The following ZC3H7A variants were observed in gnomAD, a reference collection of about 807,000 sequenced individuals.
The protein encoded by ZC3H7A is zinc finger CCCH domain-containing protein 7A.
A neutral mutation model predicts 125.5 loss-of-function variants in ZC3H7A; 44 were observed. The observed-to-expected ratio is 0.35, with a 90% CI of 0.28 to 0.45. The LOEUF is 0.45. Among genes scored for constraint, ZC3H7A ranks in the 20% least tolerant of loss-of-function variants. The probability of loss-of-function intolerance (pLI) is 1.00; values close to 1 mark genes in which losing one functional copy is unlikely to be tolerated. For missense variants in ZC3H7A, 977 were observed against 1,170.7 expected (o/e 0.83, Z 2.41); for synonymous variants, 399 against 391.2 (o/e 1.02, Z -0.23).
Position 11,770,939 on chromosome 16 carries a change from T to G in ZC3H7A, c.952A>C (p.Ser318Arg). 6.2e-7 allele frequency: 1 copy of G among 1,613,788 alleles called. No individual in the cohort carries two copies. Among genetic ancestry groups the G allele is most frequent in the Non-Finnish European group, 8.5e-7 (1 of 1,179,812 alleles). ...AACAGCGATGCCGAAAAGGGCATGC[T>G]AGGAGAGACACTGGCTGTCTGAAGG... is the stretch of plus-strand genomic sequence containing the variant. ...GPLQTASVSPSMPFSASLLGT... is the reference protein window; with the variant it reads ...GPLQTASVSPRMPFSASLLGT... The change falls in exon 10 of 23, where the codon AGC becomes CGC. Residue 318 changes from serine (S) to arginine (R), a missense_variant. By Grantham distance (110) the Ser-to-Arg change is moderately radical. Coordinates refer to ENST00000355758, the MANE Select transcript of ZC3H7A (RefSeq NM_014153.4).
At chr16:11,756,169 AG>A in intron 21 of ZC3H7A, 67 bp downstream of exon 21, 1 of 1,553,690 alleles carries the variant, frequency 6.4e-7, no homozygotes, top group Middle Eastern at 1.7e-4. Context: ...CTCAAAAAAA[AG>A]AAAAGGGAAA....
chr16:11,770,716 GC>G, intron 10 of ZC3H7A, 66 bp downstream of exon 10: 2 of 1,423,442 alleles, frequency 1.4e-6, no homozygotes, highest in East Asian at 2.3e-5. Context: ...TTAAATAATT[GC>G]CAAACAAACA....
intron 1 of ZC3H7A, among the ~76,000 whole-genome samples, chr16:11,792,528 G>C (rs1046062115): frequency 3.9e-5 from 6 of 152,164 alleles, no homozygotes; most frequent in African/African-American, 1.4e-4. Context: ...ATTAACAGAA[G>C]ACATCAAGGT....
Position 11,758,555 on chromosome 16 carries a change from G to C in ZC3H7A, c.2320-16C>G. 6.3e-7 allele frequency: 1 copy of C among 1,588,658 alleles called. No individual in the cohort carries two copies. Among genetic ancestry groups the C allele is most frequent in the Non-Finnish European group, 8.6e-7 (1 of 1,159,056 alleles). On this transcript the variant is annotated splice_polypyrimidine_tract_variant and intron_variant, in intron 19 of 22. Transcript: ENST00000355758. Reference sequence around the variant, plus strand: ...GGTTGCACAGCTGTATAAAAAAATAGGAATATGATTAAGACAAAGTACACC... The same window carrying C: ...GGTTGCACAGCTGTATAAAAAAATACGAATATGATTAAGACAAAGTACACC...
chr16:11,764,111 A>T (rs370374369), intron 15 of ZC3H7A, among the ~76,000 whole-genome samples: 6 of 151,884 alleles, frequency 4.0e-5, no homozygotes, highest in African/African-American at 1.4e-4. Context: ...TTAAATTTTT[A>T]TCGGAAAAAA....
chr16:11,777,350 A>G (rs1309240440), intron 4 of ZC3H7A, among the ~76,000 whole-genome samples: 1 of 152,244 alleles, frequency 6.6e-6, no homozygotes, highest in Admixed American at 6.5e-5. Context: ...ATGCTCTTTA[A>G]CAAAGAGCTA....
At chr16:11,754,632 C>T (rs1030984269) in intron 21 of ZC3H7A, among the ~76,000 whole-genome samples, 33 of 152,272 alleles carry the variant, frequency 2.2e-4, no homozygotes, top group African/African-American at 5.8e-4. Context: ...TGGCTCACGC[C>T]TGTAATCCCA....
At chr16:11,761,589 G>T in intron 18 of ZC3H7A, 78 bp from the exon 19 acceptor site, 1 of 1,451,306 alleles carries the variant, frequency 6.9e-7, no homozygotes, top group Non-Finnish European at 9.5e-7. Context: ...CACAAAGTTT[G>T]TACCTGAGGA....
chr16:11,764,027 C>T (rs1463969690), intron 15 of ZC3H7A, among the ~76,000 whole-genome samples: 3 of 151,658 alleles, frequency 2.0e-5, no homozygotes, highest in Non-Finnish European at 4.4e-5. Context: ...ATCTCCTGAC[C>T]TCGTGATCCG....
chr16:11,758,630 C>A, intron 19 of ZC3H7A, 91 bp from the exon 20 acceptor site: 1 of 790,508 alleles, frequency 1.3e-6, no homozygotes, highest in East Asian at 2.6e-5. Flanking sequence ...CATTATTATC[C>A]ATGCTAATAC....
At chr16:11,755,590 C>T (rs969169375) in intron 21 of ZC3H7A, among the ~76,000 whole-genome samples, 3 of 152,140 alleles carry the variant, frequency 2.0e-5, no homozygotes, top group African/African-American at 7.2e-5. Context: ...TGGGGCCTCC[C>T]ACTAGGGAAG....
Position 11,768,507 on chromosome 16 carries a change from A to T in ZC3H7A, c.1174-6T>A. The T allele has an allele frequency of 6.9e-7, 1 of 1,443,242 alleles. No individual in the cohort carries two copies. The highest frequency in any genetic ancestry group is 9.1e-7 in the Non-Finnish European group (1 of 1,095,032). The allele number at this position is 1,443,242 out of a possible 1,614,324, so 89.4% of individuals were successfully genotyped here. A position where few individuals can be genotyped will look rare whatever the true frequency, so the allele number is the denominator to read the frequency against. On this transcript the variant is annotated splice_polypyrimidine_tract_variant and splice_region_variant and intron_variant, in intron 11 of 22. Transcript: ENST00000355758. ...AAACTACCTGGTCCATTCATCTGCA[A>T]GAAAAATAAGAAGAAAAAAAAAAAA...
chr16:11,795,975 C>G (rs552391504), intron 1 of ZC3H7A, among the ~76,000 whole-genome samples: 1 of 152,030 alleles, frequency 6.6e-6, no homozygotes, highest in African/African-American at 2.4e-5. Flanking sequence ...TGACTACCGG[C>G]GTGCGCCACC....
At position 11,776,704 on chromosome 16, in the gene ZC3H7A, T is replaced by C. The variant is rs35675698; in HGVS notation, c.465+47A>G. On this transcript the variant is annotated intron_variant, in intron 5 of 22. Transcript: ENST00000355758. ...TTAACTCTTTAAATGCCATTTATTATGATGTAAATGGTTACGATGTAAACA... is the reference window on the plus strand; with the variant it reads ...TTAACTCTTTAAATGCCATTTATTACGATGTAAATGGTTACGATGTAAACA... The C allele has an allele frequency of 6.1e-3, 9,538 of 1,552,148 alleles. 41 individuals carry two copies. The highest frequency in any genetic ancestry group is 7.2e-3 in the Non-Finnish European group (8,355 of 1,153,640).
intron 22 of ZC3H7A, 62 bp downstream of exon 22, chr16:11,752,607 C>G: frequency 2.6e-6 from 4 of 1,565,700 alleles, no homozygotes; most frequent in Non-Finnish European, 3.5e-6. Flanking sequence ...TGTCAGCTGA[C>G]ATGTCCATGA....
intron 21 of ZC3H7A, among the ~76,000 whole-genome samples, chr16:11,755,522 G>A (rs995014703): frequency 3.3e-5 from 5 of 152,154 alleles, no homozygotes; most frequent in East Asian, 1.9e-4. Flanking sequence ...GACTGCAGGC[G>A]TAAGCGGGGA....
chr16:11,794,707 A>T (rs1182495716), intron 1 of ZC3H7A, among the ~76,000 whole-genome samples: 1 of 152,176 alleles, frequency 6.6e-6, no homozygotes, highest in Non-Finnish European at 1.5e-5. Flanking sequence ...AAACTTTCCA[A>T]CAGTCACTCT....
rs747086458 is a variant in ZC3H7A at position 11,756,347 on chromosome 16, C to T, written c.2452G>A (p.Glu818Lys). 3.7e-6 allele frequency: 6 copies of T among 1,613,214 alleles called. No individual in the cohort carries two copies. Among genetic ancestry groups the T allele is most frequent in the Admixed American group, 1.7e-5 (1 of 59,770 alleles). ...NGIQDMEQFYELWLKSQKNEK... is the reference protein window; with the variant it reads ...NGIQDMEQFYKLWLKSQKNEK... ...TTTTTTTGACTCTTGAGCCATAGTT[C>T]GTAAAATTGCTCCATATCTTGTACT... The change falls in exon 21 of 23, where the codon GAA becomes AAA. Residue 818 changes from glutamate to lysine, a missense_variant. Glu to Lys is a moderately conservative substitution (Grantham distance 56). Transcript: ENST00000355758.
intron 10 of ZC3H7A, among the ~76,000 whole-genome samples, chr16:11,770,331 C>T (rs2052958052): frequency 6.6e-6 from 1 of 152,264 alleles, no homozygotes; most frequent in Admixed American, 6.5e-5. Flanking sequence ...GTTAAAGCAG[C>T]AGCCACGGTT....
Sources: gnomAD v4.1 joint callset for allele counts (sites outside exome capture counted in the v4.1 genomes callset) on GRCh38, gnomAD v4.1.1 for gene constraint, MANE v1.5 for transcripts, NCBI Gene and HGNC (gene_info 2026-07-23, HGNC 2026-07-21) for gene names.